USH2A: variants seen among roughly 807,000 people sequenced by gnomAD.
USH2A encodes Usher syndrome 2A (autosomal recessive, mild).
A neutral mutation model predicts 538.9 loss-of-function variants in USH2A; 443 were observed. The ratio of observed to expected loss-of-function variants is 0.82; its 90% CI spans 0.76 to 0.89. The LOEUF is 0.89. Ranked by LOEUF, USH2A falls within the 40% of genes least tolerant of loss-of-function variation. USH2A has a pLI of 0.00. For synonymous variants in USH2A, 2,413 were observed against 2,273.5 expected (o/e 1.06, Z -1.75); for missense variants, 6,633 against 6,324.8 (o/e 1.05, Z -1.65).
intron 30 of USH2A, among the ~76,000 whole-genome samples, chr1:216,066,471 A>G (rs561592375): frequency 6.6e-6 from 1 of 151,656 alleles, no homozygotes; most frequent in African/African-American, 2.4e-5. Context: ...ATTAAATAAT[A>G]ATAGTAATAA....
chr1:215,747,887 TTTGG>T (rs746048980), intron 58 of USH2A, among the ~76,000 whole-genome samples: 26,864 of 139,566 alleles, frequency 0.19, 2,371 homozygotes, highest in Non-Finnish European at 0.22. Flanking sequence ...TGTTTGTTTG[TTTGG>T]TTTTTTTTTT....
intron 41 of USH2A, among the ~76,000 whole-genome samples, chr1:215,884,303 AATG>A (rs1664993517): frequency 6.6e-6 from 1 of 152,214 alleles, no homozygotes; most frequent in Non-Finnish European, 1.5e-5. Flanking sequence ...TTCTGATTTG[AATG>A]ATGTTCAGTT....
At chr1:215,844,548 C>T in intron 45 of USH2A, 52 bp from the exon 46 acceptor site, 1 of 1,579,106 alleles carries the variant, frequency 6.3e-7, no homozygotes, top group South Asian at 1.1e-5. Flanking sequence ...TGAAAAAGCA[C>T]ATGTTAAGCT....
intron 11 of USH2A, 39 bp from the exon 12 acceptor site, chr1:216,251,137 T>C (rs369715479): frequency 1.2e-6 from 2 of 1,607,662 alleles, no homozygotes; most frequent in African/African-American, 1.3e-5. Flanking sequence ...GATGAACGTA[T>C]CTATTTTTAG....
At chr1:216,409,193 A>C (rs4431908) in intron 3 of USH2A, among the ~76,000 whole-genome samples, 112,168 of 151,920 alleles carry the variant, frequency 0.74, 41,524 homozygotes, top group East Asian at 0.83. Context: ...ACAATGAGAA[A>C]TGCAAAGCAC....
At chr1:216,303,898 T>C (rs568639001) in intron 9 of USH2A, among the ~76,000 whole-genome samples, 166 of 152,076 alleles carry the variant, frequency 1.1e-3, no homozygotes, top group Non-Finnish European at 1.9e-3. Context: ...AAATGATCAA[T>C]CTTTACAGTA....
intron 49 of USH2A, among the ~76,000 whole-genome samples, chr1:215,805,545 C>T (rs1402944686): frequency 6.6e-6 from 1 of 151,936 alleles, no homozygotes; most frequent in East Asian, 1.9e-4. Context: ...GCACTCAATG[C>T]CACTGAATTG....
chr1:216,217,367 C>T lies in USH2A; in HGVS notation c.3157+20G>A. On this transcript the variant is annotated intron_variant, in intron 15 of 71. Coordinates refer to ENST00000307340, the MANE Select transcript of USH2A (RefSeq NM_206933.4). ...TATGATGCTGCTTCACACACCAGCA[C>T]TGAACCAGAGTTCACTTACTTTTGC... The T allele has an allele frequency of 6.2e-7, 1 of 1,612,290 alleles. No homozygotes were observed. Among genetic ancestry groups the T allele is most frequent in the Admixed American group, 1.7e-5 (1 of 59,882 alleles).
chr1:216,309,177 C>T (rs1303128025), intron 9 of USH2A, among the ~76,000 whole-genome samples: 1 of 152,192 alleles, frequency 6.6e-6, no homozygotes, highest in African/African-American at 2.4e-5. Flanking sequence ...TTAGAAACAA[C>T]AGCTCCCATT....
chr1:216,043,931 C>T (rs2030406838), intron 32 of USH2A, among the ~76,000 whole-genome samples: 1 of 151,984 alleles, frequency 6.6e-6, no homozygotes, highest in African/African-American at 2.4e-5. Flanking sequence ...TTCTCTATTG[C>T]CTTATTCCTA....
intron 21 of USH2A, among the ~76,000 whole-genome samples, chr1:216,135,073 A>G (rs2033453557): frequency 6.6e-6 from 1 of 151,500 alleles, no homozygotes; most frequent in Non-Finnish European, 1.5e-5. Context: ...GCAGTTGTAC[A>G]CCACTGCTAC....
intron 51 of USH2A, among the ~76,000 whole-genome samples, chr1:215,789,313 T>A (rs1358485535): frequency 1.3e-5 from 2 of 152,196 alleles, no homozygotes; most frequent in Non-Finnish European, 2.9e-5. Context: ...ACACAAGGAC[T>A]GTGTAGTTGC....
At chr1:216,413,869 G>A (rs988525699) in intron 3 of USH2A, among the ~76,000 whole-genome samples, 2 of 152,076 alleles carry the variant, frequency 1.3e-5, no homozygotes, top group African/African-American at 2.4e-5. Context: ...TGACTATACT[G>A]ATGATTCTTT....
chr1:215,876,334 A>G (rs1664775101), intron 43 of USH2A, among the ~76,000 whole-genome samples: 1 of 152,320 alleles, frequency 6.6e-6, no homozygotes, highest in Non-Finnish European at 1.5e-5. Flanking sequence ...CTCTCTGAGA[A>G]TCTTACAAGA....
At chr1:216,067,825 G>T (rs888115984) in intron 30 of USH2A, among the ~76,000 whole-genome samples, 2 of 152,124 alleles carry the variant, frequency 1.3e-5, no homozygotes, top group African/African-American at 4.8e-5. Context: ...CAGGCATTTG[G>T]ATGTCTAGGT....
At chr1:216,270,969 A>AAATTAAAATAATAAGATTC (rs1330932111) in intron 11 of USH2A, among the ~76,000 whole-genome samples, 2 of 152,146 alleles carry the variant, frequency 1.3e-5, no homozygotes, top group East Asian at 3.9e-4. Flanking sequence ...TCTGTAAGTA[A>AAATTAAAATAATAAGATTC]AATTAAAATA....
chr1:215,797,581 A>G (rs993177668), intron 50 of USH2A, among the ~76,000 whole-genome samples: 1 of 152,108 alleles, frequency 6.6e-6, no homozygotes, highest in African/African-American at 2.4e-5. Flanking sequence ...AGGGCCCTTA[A>G]TAATTATGCT....
intron 8 of USH2A, among the ~76,000 whole-genome samples, chr1:216,322,641 G>C (rs908190285): frequency 6.6e-6 from 1 of 150,516 alleles, no homozygotes; most frequent in Non-Finnish European, 1.5e-5. Flanking sequence ...AGAATATAAA[G>C]TTGACAATAA....
At chr1:216,088,655 C>T (rs1226747670) in intron 23 of USH2A, among the ~76,000 whole-genome samples, 1 of 152,164 alleles carries the variant, frequency 6.6e-6, no homozygotes, top group African/African-American at 2.4e-5. Flanking sequence ...TTTTCTCAGC[C>T]TTGGTTTCCT....
Sources: allele counts gnomAD v4.1 joint callset (sites outside exome capture counted in the v4.1 genomes callset), GRCh38; gene constraint gnomAD v4.1.1; transcripts MANE v1.5; gene names NCBI Gene and HGNC (gene_info 2026-07-23, HGNC 2026-07-21).